The following GPM6A variants were observed in gnomAD, a reference collection of about 807,000 sequenced individuals.
The protein encoded by GPM6A is neuronal membrane glycoprotein M6-a.
Under a neutral mutation model 32.1 loss-of-function variants are expected in GPM6A, and 7 were observed. The ratio of observed to expected loss-of-function variants is 0.22; its 90% CI spans 0.12 to 0.41. GPM6A has a LOEUF of 0.41. Among genes scored for constraint, GPM6A ranks in the 10% least tolerant of loss-of-function variants. The pLI is 1.00. For missense variants in GPM6A, 235 were observed against 347.2 expected (o/e 0.68, Z 2.57); for synonymous variants, 130 against 123.4 (o/e 1.05, Z -0.35).
chr4:175,891,759 C>T (rs1324574101), intron 1 of GPM6A: 1 of 152,154 alleles, frequency 6.6e-6, no homozygotes, highest in Non-Finnish European at 1.5e-5. Flanking sequence ...TCTTTTAAGA[C>T]ATGTAAAGTA....
Position 175,730,527 on chromosome 4 carries a change from G to A in GPM6A, c.38-28760C>T, listed in dbSNP as rs536631841. Among the ~76,000 whole-genome samples, 17 of 151,632 alleles carry A rather than the reference G, an allele frequency of 1.1e-4. No homozygotes were observed. In the South Asian group the frequency reaches 2.5e-3, roughly 22 times the overall value. ...GCTCTGTCGCCCAGGCTGGAGTGCA[G>A]TGGCGCGATCTCGGCTCACTGCAAG... On this transcript the variant is annotated intron_variant, in intron 1 of 6. Coordinates refer to ENST00000393658, the MANE Select transcript of GPM6A (RefSeq NM_201591.3).
At chr4:175,844,349 A>G (rs1226517093) in intron 1 of GPM6A, among the ~76,000 whole-genome samples, 1 of 152,150 alleles carries the variant, frequency 6.6e-6, no homozygotes, top group Non-Finnish European at 1.5e-5. Flanking sequence ...AGTCTTTCCA[A>G]TTCCTTCTGC....
chr4:175,680,278 C>T (rs1258109297), intron 2 of GPM6A, among the ~76,000 whole-genome samples: 1 of 152,128 alleles, frequency 6.6e-6, no homozygotes, highest in Admixed American at 6.6e-5. Context: ...TTGCTTTCCT[C>T]CTTTGATATT....
chr4:175,826,051 CCA>C (rs1416181814), intron 1 of GPM6A, among the ~76,000 whole-genome samples: 1 of 150,244 alleles, frequency 6.7e-6, no homozygotes, highest in African/African-American at 2.5e-5. Context: ...GCCTCTGGTC[CCA>C]GTTACTTGGG....
intron 1 of GPM6A, among the ~76,000 whole-genome samples, chr4:175,943,100 C>T (rs1191421414): frequency 6.6e-6 from 1 of 152,102 alleles, no homozygotes; most frequent in Non-Finnish European, 1.5e-5. Context: ...TCTTCACATC[C>T]CTTGTAAGCT....
chr4:175,853,319 A>G (rs1303493090), intron 1 of GPM6A, among the ~76,000 whole-genome samples: 2 of 152,082 alleles, frequency 1.3e-5, no homozygotes, highest in East Asian at 3.8e-4. Flanking sequence ...ATTATTTAAT[A>G]AAATACTCTA....
At chr4:175,730,566 G>C (rs1731379401) in intron 1 of GPM6A, among the ~76,000 whole-genome samples, 1 of 151,908 alleles carries the variant, frequency 6.6e-6, no homozygotes, top group Non-Finnish European at 1.5e-5. Flanking sequence ...CGCCTCCCGG[G>C]TTCACGCCAT....
At chr4:175,903,625 C>G (rs1738036201) in intron 1 of GPM6A, among the ~76,000 whole-genome samples, 1 of 152,114 alleles carries the variant, frequency 6.6e-6, no homozygotes, top group Non-Finnish European at 1.5e-5. Context: ...ACCATGTGTT[C>G]CTGTGGTATT....
In GPM6A at chr4:175,644,125, T is replaced by G. The variant is rs548802913; in HGVS notation, c.542-3296A>C. Among the ~76,000 whole-genome samples, 30 of 147,442 alleles carry G rather than the reference T, an allele frequency of 2.0e-4. No individual in the cohort carries two copies. In the East Asian group the frequency reaches 2.8e-3, roughly 14 times the overall value. On this transcript the variant is annotated intron_variant, in intron 4 of 6. Transcript: ENST00000393658. ...TGCTCTAAAACTTTTCCGTTTGTTTTTTTTTTTTTTTTTTTTGAGATGGAG... is the reference window on the plus strand; with the variant it reads ...TGCTCTAAAACTTTTCCGTTTGTTTGTTTTTTTTTTTTTTTTGAGATGGAG...
chr4:175,976,295 T>C (rs1740658188), intron 1 of GPM6A, among the ~76,000 whole-genome samples: 1 of 151,090 alleles, frequency 6.6e-6, no homozygotes. Context: ...CCCAAGTAGC[T>C]GGGCTGCAGG....
chr4:175,723,773 C>T (rs1450874497), intron 1 of GPM6A, among the ~76,000 whole-genome samples: 1 of 152,036 alleles, frequency 6.6e-6, no homozygotes, highest in African/African-American at 2.4e-5. Flanking sequence ...TTTTACCAGA[C>T]AAATAAAAGA....
intron 1 of GPM6A, among the ~76,000 whole-genome samples, chr4:175,844,012 T>C (rs1736017501): frequency 6.6e-6 from 1 of 152,154 alleles, no homozygotes; most frequent in Non-Finnish European, 1.5e-5. Flanking sequence ...CATAAGTCCT[T>C]AGCTACAATT....
intron 2 of GPM6A, among the ~76,000 whole-genome samples, chr4:175,692,793 T>C (rs58833598): frequency 0.047 from 7,170 of 152,210 alleles, 199 homozygotes; most frequent in Non-Finnish European, 0.063. Context: ...ACAAATTAGC[T>C]TACCTTTAAA....
At chr4:175,829,652 T>C (rs1393635147) in intron 1 of GPM6A, among the ~76,000 whole-genome samples, 1 of 144,358 alleles carries the variant, frequency 6.9e-6, no homozygotes, top group African/African-American at 2.6e-5. Context: ...TTATGTAATA[T>C]ATATATATAT....
intron 1 of GPM6A, among the ~76,000 whole-genome samples, chr4:175,806,633 A>T (rs1252439930): frequency 1.3e-5 from 2 of 152,268 alleles, no homozygotes; most frequent in African/African-American, 4.8e-5. Context: ...TAACCACAAC[A>T]ATGCAGAAGT....
chr4:175,799,216 C>T (rs1241322531), intron 1 of GPM6A, among the ~76,000 whole-genome samples: 1 of 152,158 alleles, frequency 6.6e-6, no homozygotes, highest in Non-Finnish European at 1.5e-5. Flanking sequence ...TTAGGGAGCT[C>T]CAGTCAGCTG....
intron 1 of GPM6A, among the ~76,000 whole-genome samples, chr4:175,919,494 T>TA (rs2111522933): frequency 6.6e-6 from 1 of 152,336 alleles, no homozygotes; most frequent in Non-Finnish European, 1.5e-5. Flanking sequence ...AACTTACCCT[T>TA]ACTTAATTAA....
intron 2 of GPM6A, among the ~76,000 whole-genome samples, chr4:175,695,668 T>A (rs1047784079): frequency 6.6e-6 from 1 of 152,194 alleles, no homozygotes; most frequent in Admixed American, 6.5e-5. Context: ...TGAAAGGAAC[T>A]GGCCTCATCT....
chr4:175,865,788 G>C (rs1032099083), intron 1 of GPM6A, among the ~76,000 whole-genome samples: 1 of 151,776 alleles, frequency 6.6e-6, no homozygotes, highest in African/African-American at 2.4e-5. Flanking sequence ...AGGAATATTT[G>C]TCTGTAGTTT....
Sources: gnomAD v4.1 joint callset for allele counts (sites outside exome capture counted in the v4.1 genomes callset) on GRCh38, gnomAD v4.1.1 for gene constraint, MANE v1.5 for transcripts, NCBI Gene and HGNC (gene_info 2026-07-23, HGNC 2026-07-21) for gene names.